STAG2: variants seen among roughly 807,000 people sequenced by gnomAD.
STAG2 encodes the protein STAG2 cohesin complex component, also known as cohesin subunit SA-2.
Under a neutral mutation model 108.1 loss-of-function variants are expected in STAG2, and 14 were observed. The observed-to-expected ratio is 0.13, with a 90% CI of 0.09 to 0.20. The LOEUF (loss-of-function observed/expected upper bound fraction) is 0.20, where lower values mean the gene tolerates loss of function less well. Among genes scored for constraint, STAG2 ranks in the 10% least tolerant of loss-of-function variants. The probability of loss-of-function intolerance (pLI) is 1.00; values close to 1 mark genes in which losing one functional copy is unlikely to be tolerated. For synonymous variants in STAG2, 307 were observed against 302.7 expected, an observed-to-expected ratio of 1.01 and a Z score of -0.15; for missense variants, 440 against 940.9, an observed-to-expected ratio of 0.47 and a Z score of 6.96.
At chrX:124,039,355 TG>T (rs973908455) in intron 6 of STAG2, among the ~76,000 whole-genome samples, 3 of 109,332 alleles carry the variant, frequency 2.7e-5, no homozygotes, top group Non-Finnish European at 5.7e-5. Context: ...TTTGTGGACA[TG>T]GGGTTTTGCC....
chrX:124,032,649 A>G (rs1357448856), intron 5 of STAG2, among the ~76,000 whole-genome samples: 1 of 111,256 alleles, frequency 9.0e-6, no homozygotes, highest in African/African-American at 3.3e-5. Flanking sequence ...ACATGTGCTC[A>G]ATATTTAGCT....
intron 13 of STAG2, among the ~76,000 whole-genome samples, chrX:124,055,056 C>T (rs1478714274): frequency 8.9e-6 from 1 of 111,867 alleles, no homozygotes; most frequent in Admixed American, 9.5e-5. Flanking sequence ...TGTGAGTGAC[C>T]ACACCCAGCC....
At position 124,049,377 on chromosome X, in the gene STAG2, G is replaced by A. The variant is rs3737191; in HGVS notation, c.893+299G>A. Among the ~76,000 whole-genome samples, 48 of 111,751 alleles carry A rather than the reference G, an allele frequency of 4.3e-4. No homozygotes were observed. In the East Asian group the frequency reaches 0.012, roughly 29 times the overall value. ...CCTTTGGATGCACTATGTTAGTAGA[G>A]CCTGCACGTGCTGACTCCTGACTCT... On this transcript the variant is annotated intron_variant, in intron 10 of 34. Coordinates refer to ENST00000371145, the MANE Select transcript of STAG2 (RefSeq NM_001042750.2).
At chrX:123,985,239 C>CTT (rs925851985) in intron 1 of STAG2, among the ~76,000 whole-genome samples, 1 of 109,721 alleles carries the variant, frequency 9.1e-6, no homozygotes, top group African/African-American at 3.3e-5. Context: ...CCGTTTATTC[C>CTT]TTTTTTTTGA....
At chrX:124,058,131 T>A (rs1476879788) in intron 15 of STAG2, among the ~76,000 whole-genome samples, 154 bp downstream of exon 15, 4 of 105,227 alleles carry the variant, frequency 3.8e-5, no homozygotes, top group Non-Finnish European at 7.8e-5. Context: ...TTTTTTTTTT[T>A]AAATATGCTT....
At chrX:124,053,757 A>C (rs1028603528) in intron 13 of STAG2, among the ~76,000 whole-genome samples, 4 of 111,918 alleles carry the variant, frequency 3.6e-5, no homozygotes, top group Non-Finnish European at 7.5e-5. Context: ...TGAATTAACT[A>C]TATAAAAACC....
intron 3 of STAG2, among the ~76,000 whole-genome samples, chrX:124,025,223 A>G (rs1476657727): frequency 7.2e-5 from 8 of 111,734 alleles, no homozygotes; most frequent in Non-Finnish European, 1.3e-4. Flanking sequence ...TAGTACCAAA[A>G]CTGTTCTCCT....
At chrX:123,965,669 G>T (rs943540748) in intron 1 of STAG2, among the ~76,000 whole-genome samples, 5 of 111,808 alleles carry the variant, frequency 4.5e-5, no homozygotes, top group African/African-American at 1.6e-4. Flanking sequence ...GCAGACTTCA[G>T]TTTTTGATGC....
intron 5 of STAG2, among the ~76,000 whole-genome samples, chrX:124,032,194 A>G (rs1250652270): frequency 2.7e-5 from 3 of 112,437 alleles, no homozygotes; most frequent in Non-Finnish European, 3.8e-5. Context: ...GAGTGACCTA[A>G]TATAATTATT....
chrX:124,022,487 T>G (rs1180249925), intron 2 of STAG2, 44 bp from the exon 3 acceptor site: 6 of 463,483 alleles, frequency 1.3e-5, no homozygotes, highest in Non-Finnish European at 2.1e-5. Flanking sequence ...TTTCCGAATA[T>G]TTTTGGTGCA....
At chrX:124,026,840 A>G (rs1416214618) in intron 4 of STAG2, among the ~76,000 whole-genome samples, 1 of 112,288 alleles carries the variant, frequency 8.9e-6, no homozygotes, top group Non-Finnish European at 1.9e-5. Flanking sequence ...CAGCTTTCCC[A>G]TAAGTGACTG....
At chrX:123,961,246 G>T (rs898431865), upstream of STAG2, 1 of 107,786 alleles carries the variant, frequency 9.3e-6, no homozygotes, top group Non-Finnish European at 1.9e-5. Context: ...TACCCTCGCT[G>T]AAGATTTTCT....
intron 6 of STAG2, 133 bp downstream of exon 6, chrX:124,037,756 G>A: frequency 4.0e-6 from 1 of 249,453 alleles, no homozygotes; most frequent in Non-Finnish European, 7.1e-6. Context: ...TATAAAATTT[G>A]TAAGGAAAAA....
chrX:124,036,968 C>T (rs775075552), intron 5 of STAG2, among the ~76,000 whole-genome samples: 47 of 110,360 alleles, frequency 4.3e-4, no homozygotes, highest in Non-Finnish European at 7.2e-4. Flanking sequence ...TCACTGCAAC[C>T]TCCATCTCCT....
chrX:123,962,824 C>CA (rs1235176445), intron 1 of STAG2, among the ~76,000 whole-genome samples: 1 of 111,296 alleles, frequency 9.0e-6, no homozygotes, highest in Non-Finnish European at 1.9e-5. Flanking sequence ...CTTCCCTTCA[C>CA]ACTGGAGTGT....
chrX:123,976,006 C>T (rs189317318), intron 1 of STAG2, among the ~76,000 whole-genome samples: 39 of 111,943 alleles, frequency 3.5e-4, no homozygotes, highest in African/African-American at 7.5e-4. Flanking sequence ...AGGTTTCTGC[C>T]GGGAGCAGTG....
intron 1 of STAG2, among the ~76,000 whole-genome samples, chrX:124,017,242 C>G (rs1404660381): frequency 9.2e-6 from 1 of 109,022 alleles, no homozygotes; most frequent in Non-Finnish European, 1.9e-5. Flanking sequence ...TGGAGTCTCA[C>G]TCTGTTGCCC....
chrX:123,960,924 G>A (rs1016919104), upstream of STAG2: 1 of 112,030 alleles, frequency 8.9e-6, no homozygotes, highest in Non-Finnish European at 1.9e-5. Flanking sequence ...CACCCGGAGG[G>A]CGCTTGGCCC....
At chrX:123,963,734 T>G (rs1457732147) in intron 1 of STAG2, among the ~76,000 whole-genome samples, 1 of 111,273 alleles carries the variant, frequency 9.0e-6, no homozygotes, top group Non-Finnish European at 1.9e-5. Flanking sequence ...AATATGCCCT[T>G]TGGGTTTATG....
Sources: allele counts gnomAD v4.1 joint callset (sites outside exome capture counted in the v4.1 genomes callset), GRCh38; gene constraint gnomAD v4.1.1; transcripts MANE v1.5; gene names NCBI Gene and HGNC (gene_info 2026-07-23, HGNC 2026-07-21).